Variants in ZCCHC17 observed in about 807,000 individuals in gnomAD.
ZCCHC17 encodes zinc finger CCHC domain-containing protein 17.
Under a neutral mutation model 30.6 loss-of-function variants are expected in ZCCHC17, and 18 were observed. That is an observed-to-expected ratio of 0.59 (90% CI 0.41 to 0.87). The LOEUF is 0.87. Ranked by LOEUF, ZCCHC17 falls within the 40% of genes least tolerant of loss-of-function variation. The pLI, the probability that ZCCHC17 is intolerant of heterozygous loss-of-function variation, is 0.00. For missense variants in ZCCHC17, 263 were observed against 284.2 expected (o/e 0.93, Z 0.54); for synonymous variants, 88 against 92.4 (o/e 0.95, Z 0.27).
At chr1:31,310,976 A>T (rs571452059) in intron 2 of ZCCHC17, among the ~76,000 whole-genome samples, 1 of 152,138 alleles carries the variant, frequency 6.6e-6, no homozygotes, top group East Asian at 1.9e-4. Context: ...TATTAGTTAA[A>T]ACTCTCTATC....
At chr1:31,315,978 A>G (rs1325841605) in intron 2 of ZCCHC17, among the ~76,000 whole-genome samples, 1 of 152,244 alleles carries the variant, frequency 6.6e-6, no homozygotes. Context: ...ATTAAGGTCT[A>G]TTATATTACC....
chr1:31,347,942 C>T (rs1639334344), intron 6 of ZCCHC17, among the ~76,000 whole-genome samples: 1 of 152,144 alleles, frequency 6.6e-6, no homozygotes, highest in South Asian at 2.1e-4. Context: ...TACAATTCCT[C>T]TGTGCCCCTA....
At chr1:31,315,033 A>C (rs1646698131) in intron 2 of ZCCHC17, among the ~76,000 whole-genome samples, 1 of 152,138 alleles carries the variant, frequency 6.6e-6, no homozygotes, top group African/African-American at 2.4e-5. Flanking sequence ...TTCTACAGTC[A>C]TTTGTTGGTA....
intron 7 of ZCCHC17, among the ~76,000 whole-genome samples, chr1:31,360,327 G>A (rs1385115340): frequency 6.6e-6 from 1 of 152,244 alleles, no homozygotes; most frequent in Admixed American, 6.5e-5. Context: ...GTGCCACCAC[G>A]CCCAGCTAAT....
chr1:31,303,170 T>A (rs543735089), intron 1 of ZCCHC17, among the ~76,000 whole-genome samples: 1 of 151,600 alleles, frequency 6.6e-6, no homozygotes, highest in South Asian at 2.1e-4. Context: ...CTGTCCCAGC[T>A]ACTTGGGAGG....
intron 5 of ZCCHC17, among the ~76,000 whole-genome samples, chr1:31,340,366 G>A (rs1300665898): frequency 9.9e-5 from 14 of 142,066 alleles, no homozygotes; most frequent in East Asian, 4.1e-4. Flanking sequence ...TGCCCAGGCC[G>A]GAGTGCAATG....
intron 5 of ZCCHC17, 27 bp from the exon 6 acceptor site, chr1:31,346,613 C>T (rs367974201): frequency 5.0e-6 from 8 of 1,588,270 alleles, no homozygotes; most frequent in South Asian, 3.4e-5. Context: ...TTAAGGGGGC[C>T]GGCAGTCGGT....
At position 31,364,872 on chromosome 1, in the gene ZCCHC17, G is replaced by A. The variant is rs922275160; in HGVS notation, c.*679G>A. 1 of 152,248 alleles carries A rather than the reference G, an allele frequency of 6.6e-6. No individual in the cohort carries two copies. The highest frequency in any genetic ancestry group is 2.4e-5 in the African/African-American group (1 of 41,466). The allele number at this position is 152,248 out of a possible 1,614,324, so 9.4% of individuals were successfully genotyped here. A position where few individuals can be genotyped will look rare whatever the true frequency, so the allele number is the denominator to read the frequency against. ...TTTGTATTTACTACTGTGTGAATCA[G>A]TTGATTCTACTTCAGGTCCTTGCTT... On this transcript the variant is annotated 3_prime_UTR_variant, in exon 8 of 8. Coordinates refer to ENST00000344147, the MANE Select transcript of ZCCHC17 (RefSeq NM_016505.4).
chr1:31,311,345 T>C (rs1360074328), intron 2 of ZCCHC17, among the ~76,000 whole-genome samples: 1 of 152,182 alleles, frequency 6.6e-6, no homozygotes, highest in Non-Finnish European at 1.5e-5. Context: ...GCTCTCACAA[T>C]GTTGTTTGTT....
At chr1:31,343,493 A>G (rs147713785) in intron 5 of ZCCHC17, among the ~76,000 whole-genome samples, 1 of 152,252 alleles carries the variant, frequency 6.6e-6, no homozygotes, top group East Asian at 1.9e-4. Context: ...ATAGTTTGTT[A>G]GCCACCTTTC....
At chr1:31,321,482 T>G (rs1442549431) in intron 3 of ZCCHC17, among the ~76,000 whole-genome samples, 1 of 152,198 alleles carries the variant, frequency 6.6e-6, no homozygotes, top group African/African-American at 2.4e-5. Context: ...ACAAAATCCT[T>G]TTCTTTTTTT....
chr1:31,308,152 G>A (rs1469476223), intron 1 of ZCCHC17, among the ~76,000 whole-genome samples: 3 of 152,174 alleles, frequency 2.0e-5, no homozygotes, highest in African/African-American at 7.2e-5. Flanking sequence ...TGTAAAACTT[G>A]GAATTAACCT....
intron 3 of ZCCHC17, among the ~76,000 whole-genome samples, chr1:31,332,020 CTGATCACTAA>C (rs879562404): frequency 6.6e-6 from 1 of 152,170 alleles, no homozygotes; most frequent in South Asian, 2.1e-4. Context: ...GAAGCAATTT[CTGATCACTAA>C]TGATCACTAA....
chr1:31,309,668 A>G (rs1646550406), intron 1 of ZCCHC17, among the ~76,000 whole-genome samples: 1 of 152,196 alleles, frequency 6.6e-6, no homozygotes, highest in Non-Finnish European at 1.5e-5. Context: ...GTGCCTGGAC[A>G]TAGTAAGTGC....
Position 31,364,092 on chromosome 1 carries a change from G to A in ZCCHC17, c.625G>A (p.Glu209Lys). The A allele has an allele frequency of 6.2e-7, 1 of 1,613,836 alleles. No individual in the cohort carries two copies. Among genetic ancestry groups the A allele is most frequent in the Non-Finnish European group, 8.5e-7 (1 of 1,179,840 alleles). The change falls in exon 8 of 8, where the codon GAG (glutamate) becomes AAG (lysine). Residue 209 changes from glutamate to lysine, a missense_variant. Physicochemically the swap from Glu to Lys is moderately conservative, Grantham distance 56. Coordinates refer to ENST00000344147, the MANE Select transcript of ZCCHC17 (RefSeq NM_016505.4). ...ATCTGACTCTGACAGCTCAGACTCT[G>A]AGAGTGATACAGGCAAGAGGGCAAG... Reference protein sequence around the residue: ...KSSDSDSSDSESDTGKRARHT... With the variant: ...KSSDSDSSDSKSDTGKRARHT...
intron 4 of ZCCHC17, among the ~76,000 whole-genome samples, chr1:31,337,773 G>A (rs1377823386): frequency 2.0e-5 from 3 of 152,036 alleles, no homozygotes; most frequent in African/African-American, 7.2e-5. Context: ...GGCTGTGGGT[G>A]TGGGCCGACC....
In ZCCHC17 at chr1:31,364,392, C is replaced by T. The variant is rs1421615807; in HGVS notation, c.*199C>T. ...CAGCTGCCTGAATGAGTTGTTGTTT[C>T]CTTATCACTCCTGGTCCCTTTGCAA... is the stretch of plus-strand genomic sequence containing the variant. On this transcript the variant is annotated 3_prime_UTR_variant, in exon 8 of 8. Coordinates refer to ENST00000344147, the MANE Select transcript of ZCCHC17 (RefSeq NM_016505.4). 1 of 890,182 alleles carries T rather than the reference C, an allele frequency of 1.1e-6. No homozygotes were observed. The highest frequency in any genetic ancestry group is 1.7e-6 in the Non-Finnish European group (1 of 600,914). 55.1% of individuals were successfully genotyped at this position (890,182 alleles called of 1,614,324 possible). A position where few individuals can be genotyped will look rare whatever the true frequency, so the allele number is the denominator to read the frequency against.
intron 7 of ZCCHC17, among the ~76,000 whole-genome samples, chr1:31,349,628 C>T (rs973758215): frequency 9.9e-5 from 15 of 152,144 alleles, no homozygotes; most frequent in African/African-American, 3.4e-4. Flanking sequence ...CCACGACACC[C>T]GTCCACTTTT....
At chr1:31,342,725 A>G (rs976444504) in intron 5 of ZCCHC17, among the ~76,000 whole-genome samples, 2 of 152,232 alleles carry the variant, frequency 1.3e-5, no homozygotes, top group African/African-American at 4.8e-5. Context: ...GCCATGGACC[A>G]GTAGCAGTCT....
Sources: allele counts gnomAD v4.1 joint callset (sites outside exome capture counted in the v4.1 genomes callset), GRCh38; gene constraint gnomAD v4.1.1; transcripts MANE v1.5; gene names NCBI Gene and HGNC (gene_info 2026-07-23, HGNC 2026-07-21).